PKP4: variants seen among roughly 807,000 people sequenced by gnomAD.
The protein encoded by PKP4 is plakophilin 4, also known as plakophilin-4.
A neutral mutation model predicts 145.1 loss-of-function variants in PKP4; 90 were observed. The ratio of observed to expected loss-of-function variants is 0.62; its 90% CI spans 0.52 to 0.74. The LOEUF (loss-of-function observed/expected upper bound fraction) is 0.74. Ranked by LOEUF, PKP4 falls within the 30% of genes least tolerant of loss-of-function variation. The pLI is 0.00. For missense variants in PKP4, 1,340 were observed against 1,482.7 expected (o/e 0.90, Z 1.58); for synonymous variants, 563 against 577.2 (o/e 0.98, Z 0.35).
chr2:158,476,012 C>T (rs1692414219), intron 1 of PKP4, among the ~76,000 whole-genome samples: 1 of 152,146 alleles, frequency 6.6e-6, no homozygotes, highest in African/African-American at 2.4e-5. Context: ...TTGTCTCTCC[C>T]TTCCTCTCAT....
chr2:158,539,441 A>G lies in PKP4; in HGVS notation c.132+6125A>G, dbSNP rs113795131. ...TGTTTGGCCCCTATGCTTATTTTCA[A>G]TGAAATAGTCCTCTCTGACACACCT... On this transcript the variant is annotated intron_variant, in intron 2 of 21. Transcript: ENST00000389759. Among the ~76,000 whole-genome samples, 226 of 152,322 alleles carry G rather than the reference A, an allele frequency of 1.5e-3. 1 individual carries two copies. The highest frequency in any genetic ancestry group is 5.2e-3 in the African/African-American group (217 of 41,580).
chr2:158,643,773 A>G (rs1364441343), intron 11 of PKP4, among the ~76,000 whole-genome samples: 3 of 150,938 alleles, frequency 2.0e-5, no homozygotes, highest in African/African-American at 7.3e-5. Context: ...TCATTTAGGG[A>G]ACTGTTTTTT....
At position 158,680,993 on chromosome 2, in the gene PKP4, AGAT is replaced by A. The variant is rs2058396284; in HGVS notation, c.*320_*322del. 8.3e-6 allele frequency: 2 copies of A among 241,510 alleles called. No individual in the cohort carries two copies. The highest frequency in any genetic ancestry group is 1.1e-4 in the South Asian group (1 of 8,698). The allele number at this position is 241,510 out of a possible 1,614,324, so 15.0% of individuals were successfully genotyped here. A position where few individuals can be genotyped will look rare whatever the true frequency, so the allele number is the denominator to read the frequency against. The stretch of plus-strand genomic sequence containing the variant: ...GGATATGTAGGTCAAATCAAATTAA[AGAT>A]GATTTTTTTAATGTGAATAAAGTTA... On this transcript the variant is annotated 3_prime_UTR_variant, in exon 22 of 22. Coordinates refer to ENST00000389759, the MANE Select transcript of PKP4 (RefSeq NM_003628.6).
chr2:158,561,792 T>TC (rs1357566727), intron 2 of PKP4, among the ~76,000 whole-genome samples: 1 of 144,348 alleles, frequency 6.9e-6, no homozygotes, highest in Non-Finnish European at 1.6e-5. Context: ...ATCAAGTCAG[T>TC]CTTTTTTTTT....
chr2:158,508,294 G>C lies in PKP4; in HGVS notation c.-5-24886G>C, dbSNP rs921096379. 4.0e-5 allele frequency among the ~76,000 whole-genome samples: 6 copies of C among 150,326 alleles called. No individual in the cohort carries two copies. The South Asian group carries it at 6.3e-4, about 16-fold the overall frequency. On this transcript the variant is annotated intron_variant, in intron 1 of 21. Coordinates refer to ENST00000389759, the MANE Select transcript of PKP4 (RefSeq NM_003628.6). Reference sequence around the variant, plus strand: ...GCAGGAGAATTGCTTGAACCTGGAGGGGCAGAGGATGCAGTGAGCCAAGAT... The same window carrying C: ...GCAGGAGAATTGCTTGAACCTGGAGCGGCAGAGGATGCAGTGAGCCAAGAT...
At chr2:158,590,708 CTGAA>C (rs1172385319) in intron 3 of PKP4, among the ~76,000 whole-genome samples, 1 of 151,988 alleles carries the variant, frequency 6.6e-6, no homozygotes, top group Non-Finnish European at 1.5e-5. Flanking sequence ...AATTATATTA[CTGAA>C]TGAAGTAGTT....
At chr2:158,515,859 A>T (rs1298084474) in intron 1 of PKP4, among the ~76,000 whole-genome samples, 1 of 152,082 alleles carries the variant, frequency 6.6e-6, no homozygotes, top group Non-Finnish European at 1.5e-5. Flanking sequence ...CAGCCTGGCT[A>T]ACATACTGAG....
chr2:158,533,050 A>G (rs2043714101), intron 1 of PKP4, 130 bp from the exon 2 acceptor site: 3 of 872,508 alleles, frequency 3.4e-6, no homozygotes, highest in Non-Finnish European at 3.3e-6. Flanking sequence ...AAAATTTAGC[A>G]ATTTCACAAG....
intron 7 of PKP4, among the ~76,000 whole-genome samples, chr2:158,631,479 G>A (rs1233055983): frequency 6.6e-6 from 1 of 152,022 alleles, no homozygotes; most frequent in Non-Finnish European, 1.5e-5. Context: ...GACATTCTGG[G>A]TTCAAGCAAT....
intron 4 of PKP4, among the ~76,000 whole-genome samples, chr2:158,606,990 A>G (rs571607994): frequency 6.6e-6 from 1 of 152,140 alleles, no homozygotes; most frequent in Non-Finnish European, 1.5e-5. Context: ...CTTATTTTTT[A>G]CTATTTTAAA....
Position 158,482,427 on chromosome 2 carries a change from G to A in PKP4, c.-6+25209G>A, listed in dbSNP as rs536886482. Among the ~76,000 whole-genome samples the A allele has an allele frequency of 2.6e-5, 4 of 152,214 alleles. No individual in the cohort carries two copies. In the South Asian group the frequency reaches 8.3e-4, roughly 32 times the overall value. ...GCCTCCATTGTAGTTGGAATTATAGGCACATACCACCGCACCTGGTTTATT... is the reference window on the plus strand; with the variant it reads ...GCCTCCATTGTAGTTGGAATTATAGACACATACCACCGCACCTGGTTTATT... On this transcript the variant is annotated intron_variant, in intron 1 of 21. Transcript: ENST00000389759.
In PKP4 at chr2:158,533,197, G is replaced by C; in HGVS notation, c.13G>C (p.Glu5Gln). 2 of 1,612,728 alleles carry C rather than the reference G, an allele frequency of 1.2e-6. No individual in the cohort carries two copies. The highest frequency in any genetic ancestry group is 1.7e-6 in the Non-Finnish European group (2 of 1,179,694). Reference protein sequence around the residue: MPAPEQASLVEEGQP... With the variant: MPAPQQASLVEEGQP... ...GATTGCAGGAGGAATGCCAGCTCCTGAGCAGGCCTCATTGGTGGAGGAGGG... is the reference window on the plus strand; with the variant it reads ...GATTGCAGGAGGAATGCCAGCTCCTCAGCAGGCCTCATTGGTGGAGGAGGG... Residue 5 changes from glutamate (E) to glutamine (Q), a missense_variant, in exon 2 of 22, where the codon GAG (glutamate) becomes CAG (glutamine). Glu to Gln is a conservative substitution (Grantham distance 29). Coordinates refer to ENST00000389759, the MANE Select transcript of PKP4 (RefSeq NM_003628.6).
chr2:158,620,247 G>A (rs924654922), intron 4 of PKP4, among the ~76,000 whole-genome samples: 1 of 132,172 alleles, frequency 7.6e-6, no homozygotes, highest in South Asian at 2.5e-4. Flanking sequence ...TACGGGAATC[G>A]AATTGGGAAA....
Position 158,544,401 on chromosome 2 carries a change from A to G in PKP4, c.132+11085A>G, listed in dbSNP as rs79002265. On this transcript the variant is annotated intron_variant, in intron 2 of 21. Transcript: ENST00000389759. ...AAAAATACACTTATTTCCTTTTGGG[A>G]AGTATTATATAACATTATGCACTAA... Among the ~76,000 whole-genome samples, 1,452 of 152,308 alleles carry G rather than the reference A, an allele frequency of 9.5e-3. 28 individuals are homozygous for G. Among genetic ancestry groups the G allele is most frequent in the African/African-American group, 0.033 (1,390 of 41,566 alleles).
chr2:158,549,271 C>T (rs1233038817), intron 2 of PKP4: 1 of 153,234 alleles, frequency 6.5e-6, no homozygotes, highest in African/African-American at 2.4e-5. Context: ...AAAAATTCTC[C>T]TTCCAAAAAT....
intron 1 of PKP4, among the ~76,000 whole-genome samples, chr2:158,500,516 G>A (rs1696393349): frequency 6.6e-6 from 1 of 152,214 alleles, no homozygotes; most frequent in Admixed American, 6.5e-5. Flanking sequence ...AGAAAATGCA[G>A]TGCTTATTTA....
chr2:158,558,036 G>T (rs2046234271), intron 2 of PKP4, among the ~76,000 whole-genome samples: 1 of 152,178 alleles, frequency 6.6e-6, no homozygotes, highest in Non-Finnish European at 1.5e-5. Flanking sequence ...TGAAGCCATG[G>T]GAGCAGCAGA....
chr2:158,502,584 G>A (rs887135707), intron 1 of PKP4, among the ~76,000 whole-genome samples: 26 of 152,204 alleles, frequency 1.7e-4, no homozygotes, highest in East Asian at 3.9e-4. Flanking sequence ...CATGTGGATC[G>A]CTGCAGTCAC....
chr2:158,670,875 C>T (rs2057495071), intron 17 of PKP4, among the ~76,000 whole-genome samples: 3 of 152,156 alleles, frequency 2.0e-5, no homozygotes, highest in Admixed American at 2.0e-4. Context: ...TGTCATGGAG[C>T]TGTAGCAGTG....
Sources: gnomAD v4.1 joint callset for allele counts (sites outside exome capture counted in the v4.1 genomes callset) on GRCh38, gnomAD v4.1.1 for gene constraint, MANE v1.5 for transcripts, NCBI Gene and HGNC (gene_info 2026-07-23, HGNC 2026-07-21) for gene names.